Variants in SDK2 observed in about 807,000 individuals in gnomAD.
SDK2 encodes the protein sidekick cell adhesion molecule 2.
In SDK2, 105 loss-of-function variants were observed where a neutral mutation model predicts 253.9. That is an observed-to-expected ratio of 0.41 (90% confidence interval 0.35 to 0.49). The LOEUF is 0.49. Ranked by LOEUF, SDK2 falls within the 20% of genes least tolerant of loss-of-function variation. The probability of loss-of-function intolerance (pLI) is 0.06; values close to 1 mark genes in which losing one functional copy is unlikely to be tolerated. For synonymous variants in SDK2, 1,249 were observed against 1,234.9 expected (o/e 1.01, Z -0.24); for missense variants, 2,608 against 3,003.0 (o/e 0.87, Z 3.07).
Position 73,338,350 on chromosome 17 carries a change from A to C in SDK2, c.*237T>G. ...CCCAGCTCCGTGTAATTCCCAAGGG[A>C]GCAGTGAACCCCACCATCTCAAAGC... On this transcript the variant is annotated 3_prime_UTR_variant, in exon 45 of 45. Transcript: ENST00000392650. The surrounding 1 kb of genome is among the most constrained non-coding windows in gnomAD (Gnocchi z 5.0). 1 of 662,646 alleles carries C rather than the reference A, an allele frequency of 1.5e-6. No homozygotes were observed. 41.0% of individuals were successfully genotyped at this position (662,646 alleles called of 1,614,324 possible).
At chr17:73,463,598 G>T (rs1055067540) in intron 3 of SDK2, among the ~76,000 whole-genome samples, 1 of 151,882 alleles carries the variant, frequency 6.6e-6, no homozygotes, top group East Asian at 1.9e-4. Flanking sequence ...TTCCTTTCAC[G>T]TTTCCTTACC....
At chr17:73,341,016 T>A (rs1214962855) in intron 44 of SDK2, among the ~76,000 whole-genome samples, 3 of 149,716 alleles carry the variant, frequency 2.0e-5, no homozygotes, top group Non-Finnish European at 3.0e-5. Flanking sequence ...AGTGCTGGGA[T>A]TACAGGCGTG....
intron 12 of SDK2, among the ~76,000 whole-genome samples, chr17:73,425,181 C>T (rs555376597): frequency 1.3e-5 from 2 of 152,250 alleles, no homozygotes; most frequent in Non-Finnish European, 2.9e-5. Context: ...GATGGTGCCA[C>T]TGCACTCCAG....
intron 3 of SDK2, among the ~76,000 whole-genome samples, chr17:73,461,180 C>A (rs889182505): frequency 2.0e-5 from 3 of 152,274 alleles, no homozygotes; most frequent in African/African-American, 7.2e-5. Context: ...CCTGACAAGA[C>A]ATCTGGGCCT....
intron 1 of SDK2, among the ~76,000 whole-genome samples, chr17:73,555,465 G>A (rs1270645270): frequency 6.6e-6 from 1 of 152,250 alleles, no homozygotes; most frequent in Admixed American, 6.5e-5. Flanking sequence ...ATGTACTGAG[G>A]ATGCTGAGGC....
At chr17:73,392,331 G>A (rs993587531) in intron 27 of SDK2, among the ~76,000 whole-genome samples, 20 of 151,354 alleles carry the variant, frequency 1.3e-4, no homozygotes, top group Middle Eastern at 3.4e-3. Context: ...GTGCAGTGGC[G>A]TAATCTCAGC....
chr17:73,515,362 T>C (rs946928711), intron 1 of SDK2, among the ~76,000 whole-genome samples: 1 of 152,120 alleles, frequency 6.6e-6, no homozygotes, highest in African/African-American at 2.4e-5. Flanking sequence ...TGGTTTTGAC[T>C]CCACAAGCAA....
chr17:73,338,759 G>C lies in SDK2; in HGVS notation c.6347C>G (p.Thr2116Ser), dbSNP rs1474575570. 6.2e-7 allele frequency: 1 copy of C among 1,613,910 alleles called. No homozygotes were observed. The highest frequency in any genetic ancestry group is 1.1e-5 in the South Asian group (1 of 91,078). ...GCCCTGCTGGGTGCTGGTGCTGTTG[G>C]TGACGGTGGTGTGGTCTGGCTCACC... is the stretch of plus-strand genomic sequence containing the variant. The part of the protein sequence containing the change: ...DSGEPDHTTV[T>S]NSTSTQQGSL... Residue 2116 changes from threonine to serine, a missense_variant, in exon 45 of 45, where the codon ACC becomes AGC. By Grantham distance (58) the Thr-to-Ser change is moderately conservative. Around this residue, in one of 2 missense-constraint regions of SDK2, gnomAD observed 1,103 missense variants for 1,143.9 expected, o/e 0.96. Transcript: ENST00000392650. This position sits in a 1 kb window ranked among gnomAD's most constrained non-coding sequence, Gnocchi z 5.0.
intron 12 of SDK2, among the ~76,000 whole-genome samples, chr17:73,429,104 A>G (rs1329262050): frequency 6.6e-6 from 1 of 151,758 alleles, no homozygotes; most frequent in East Asian, 1.9e-4. Context: ...TTTATAAGTA[A>G]GTCATCTTTT....
intron 1 of SDK2, among the ~76,000 whole-genome samples, chr17:73,545,127 A>ACACACACACACAC (rs1555601159): frequency 2.6e-5 from 4 of 151,160 alleles, no homozygotes; most frequent in South Asian, 2.1e-4. Flanking sequence ...ACACACACAC[A>ACACACACACACAC]AAGTGGAGGC....
chr17:73,405,467 C>CAT (rs1166184210), intron 18 of SDK2, among the ~76,000 whole-genome samples: 1 of 6,036 alleles, frequency 1.7e-4, no homozygotes, highest in African/African-American at 7.3e-4. Flanking sequence ...AACAAAAAAC[C>CAT]ATATATATAT....
intron 15 of SDK2, among the ~76,000 whole-genome samples, chr17:73,421,445 ATCTT>A (rs1179529510): frequency 6.6e-6 from 1 of 152,114 alleles, no homozygotes; most frequent in Admixed American, 6.5e-5. Flanking sequence ...CTCCCATGAC[ATCTT>A]TCTTGCTAGA....
chr17:73,590,352 C>T (rs1166107768), intron 1 of SDK2, among the ~76,000 whole-genome samples: 1 of 152,222 alleles, frequency 6.6e-6, no homozygotes, highest in African/African-American at 2.4e-5. Context: ...GCATTCGCTT[C>T]CCCTGTCGGA....
rs190497219 is a variant in SDK2 at position 73,642,690 on chromosome 17, T to A, written c.64+1335A>T. On this transcript the variant is annotated intron_variant, in intron 1 of 44. Coordinates refer to ENST00000392650, the MANE Select transcript of SDK2 (RefSeq NM_001144952.2). This position sits in a 1 kb window ranked among gnomAD's most constrained non-coding sequence, Gnocchi z 4.7. ...CTGTTAAATGGCTACTAGAATAAGA[T>A]GACCTCTGAGGTCCTCGCTTGTTCA... Among the ~76,000 whole-genome samples the A allele has an allele frequency of 2.0e-5, 3 of 152,306 alleles. No individual in the cohort carries two copies. In the East Asian group the frequency reaches 5.8e-4, roughly 29 times the overall value.
intron 12 of SDK2, among the ~76,000 whole-genome samples, chr17:73,427,777 T>A (rs1483073793): frequency 6.6e-6 from 1 of 152,042 alleles, no homozygotes; most frequent in African/African-American, 2.4e-5. Flanking sequence ...AACATCTAGA[T>A]GACCTTGGGT....
intron 44 of SDK2, among the ~76,000 whole-genome samples, chr17:73,343,927 G>A (rs2062460923): frequency 6.6e-6 from 1 of 152,128 alleles, no homozygotes; most frequent in Admixed American, 6.5e-5. Context: ...GAGACTGGAA[G>A]CAGGAGCCCC....
rs565875002 is a variant in SDK2 at position 73,383,595 on chromosome 17, C to T, written c.4705+281G>A. 1.8e-4 allele frequency among the ~76,000 whole-genome samples: 28 copies of T among 152,318 alleles called. No homozygotes were observed. The highest frequency in any genetic ancestry group is 3.9e-4 in the Admixed American group (6 of 15,302). ...AGGTCCTCCTAGAATGTTTCCTTCC[C>T]AGCTCGCCTGGCTCCTCCTCCAGCC... is the stretch of plus-strand genomic sequence containing the variant. On this transcript the variant is annotated intron_variant, in intron 33 of 44. Transcript: ENST00000392650. The surrounding 1 kb of genome is among the most constrained non-coding windows in gnomAD (Gnocchi z 4.3).
intron 1 of SDK2, among the ~76,000 whole-genome samples, chr17:73,592,129 C>G (rs370757869): frequency 1.3e-5 from 2 of 152,228 alleles, no homozygotes; most frequent in African/African-American, 4.8e-5. Context: ...GGAACTGCAG[C>G]CTGTCTACCA....
intron 1 of SDK2, among the ~76,000 whole-genome samples, chr17:73,553,178 G>GGT (rs2045090141): frequency 2.6e-5 from 4 of 152,278 alleles, no homozygotes; most frequent in Admixed American, 1.3e-4. Flanking sequence ...CACCTTCTGG[G>GGT]GTGTGTGTGT....
Sources: allele counts gnomAD v4.1 joint callset (sites outside exome capture counted in the v4.1 genomes callset), GRCh38; gene constraint gnomAD v4.1.1; regional missense constraint gnomAD v4.1.1; non-coding constraint Gnocchi (gnomAD v3.1); transcripts MANE v1.5; gene names NCBI Gene and HGNC (gene_info 2026-07-23, HGNC 2026-07-21).